Variants in CHRM3 observed in about 807,000 individuals in gnomAD.
The protein encoded by CHRM3 is cholinergic receptor muscarinic 3.
A neutral mutation model predicts 41.8 loss-of-function variants in CHRM3; 11 were observed. That is an observed-to-expected ratio of 0.26 (90% CI 0.17 to 0.44). CHRM3 has a LOEUF of 0.44. Ranked by LOEUF, CHRM3 falls within the 20% of genes least tolerant of loss-of-function variation. The pLI is 1.00. For synonymous variants in CHRM3, 297 were observed against 301.4 expected, an observed-to-expected ratio of 0.99 and a Z score of 0.15; for missense variants, 571 against 745.4, an observed-to-expected ratio of 0.77 and a Z score of 2.72.
At chr1:239,666,276 C>A (rs1211740739) in intron 4 of CHRM3, among the ~76,000 whole-genome samples, 1 of 151,772 alleles carries the variant, frequency 6.6e-6, no homozygotes, top group Middle Eastern at 3.2e-3. Flanking sequence ...CTCACTGTAA[C>A]CTCCATCTCC....
At position 239,666,042 on chromosome 1, in the gene CHRM3, G is replaced by T. The variant is rs115788201; in HGVS notation, c.-249-12144G>T. 2.1e-3 allele frequency among the ~76,000 whole-genome samples: 318 copies of T among 152,202 alleles called. 2 individuals carry two copies. Among genetic ancestry groups the T allele is most frequent in the African/African-American group, 7.3e-3 (302 of 41,520 alleles). ...CTTTGGGTATATAACCCAGCAATGG[G>T]ATTGCTGGGTCAAATGGTAAGCCTG... is the stretch of plus-strand genomic sequence containing the variant. On this transcript the variant is annotated intron_variant, in intron 4 of 6. Transcript: ENST00000676153.
chr1:239,437,521 AG>A (rs1194384398), intron 1 of CHRM3, among the ~76,000 whole-genome samples: 1 of 152,118 alleles, frequency 6.6e-6, no homozygotes, highest in African/African-American at 2.4e-5. Context: ...TGACATGGAA[AG>A]CCTTTCTTTT....
chr1:239,656,216 T>C (rs1384361970), intron 4 of CHRM3, among the ~76,000 whole-genome samples: 1 of 152,140 alleles, frequency 6.6e-6, no homozygotes, highest in Non-Finnish European at 1.5e-5. Context: ...GTTCATTATT[T>C]GGTTAACAGG....
intron 5 of CHRM3, among the ~76,000 whole-genome samples, chr1:239,768,043 C>T (rs972687436): frequency 3.3e-5 from 5 of 151,970 alleles, no homozygotes; most frequent in Non-Finnish European, 5.9e-5. Flanking sequence ...TCAATAGATA[C>T]GATTAAAACA....
At chr1:239,583,282 T>C (rs1043196149) in intron 3 of CHRM3, among the ~76,000 whole-genome samples, 1 of 152,222 alleles carries the variant, frequency 6.6e-6, no homozygotes, top group African/African-American at 2.4e-5. Flanking sequence ...TAATTACAAA[T>C]GATTCATTGA....
chr1:239,685,389 A>G (rs1659034562), intron 5 of CHRM3, among the ~76,000 whole-genome samples: 3 of 152,198 alleles, frequency 2.0e-5, no homozygotes, highest in Non-Finnish European at 4.4e-5. Flanking sequence ...GTGGCAATTC[A>G]TTGGTTTTCT....
chr1:239,738,734 C>G (rs1664599331), intron 5 of CHRM3, among the ~76,000 whole-genome samples: 1 of 152,124 alleles, frequency 6.6e-6, no homozygotes. Context: ...TTAAAATTAA[C>G]CATTTGAACA....
chr1:239,616,678 C>A (rs1667671216), intron 3 of CHRM3, among the ~76,000 whole-genome samples: 1 of 152,026 alleles, frequency 6.6e-6, no homozygotes, highest in African/African-American at 2.4e-5. Flanking sequence ...AATTATAATT[C>A]ATCACATCAA....
chr1:239,806,831 T>C (rs1268030385), intron 5 of CHRM3, among the ~76,000 whole-genome samples: 1 of 152,228 alleles, frequency 6.6e-6, no homozygotes, highest in South Asian at 2.1e-4. Flanking sequence ...AGATAGAGTA[T>C]CTGGCAATAC....
In CHRM3 at chr1:239,677,170, C is replaced by T. The variant is rs147406427; in HGVS notation, c.-249-1016C>T. Among the ~76,000 whole-genome samples, 9 of 152,278 alleles carry T rather than the reference C, an allele frequency of 5.9e-5. No individual in the cohort carries two copies. The East Asian group carries it at 1.5e-3, about 26-fold the overall frequency. ...GAACTGGCAATGATTTAGCTTTCCACATCCTGAATGGGGGTGATCTACATC... is the reference window on the plus strand; with the variant it reads ...GAACTGGCAATGATTTAGCTTTCCATATCCTGAATGGGGGTGATCTACATC... On this transcript the variant is annotated intron_variant, in intron 4 of 6. Transcript: ENST00000676153.
chr1:239,755,003 G>C (rs1345085999), intron 5 of CHRM3, among the ~76,000 whole-genome samples: 1 of 152,132 alleles, frequency 6.6e-6, no homozygotes, highest in African/African-American at 2.4e-5. Flanking sequence ...TTAGGCATTG[G>C]ATTAAGGGAC....
intron 1 of CHRM3, among the ~76,000 whole-genome samples, chr1:239,399,434 C>T (rs1306058260): frequency 6.6e-6 from 1 of 150,756 alleles, no homozygotes; most frequent in African/African-American, 2.4e-5. Context: ...TTGTGTTGTA[C>T]AATAGATCTC....
Position 239,414,064 on chromosome 1 carries a change from C to T in CHRM3, c.-521+26837C>T, listed in dbSNP as rs532602607. Among the ~76,000 whole-genome samples, 3 of 152,216 alleles carry T rather than the reference C, an allele frequency of 2.0e-5. No homozygotes were observed. The East Asian group carries it at 5.8e-4, about 29-fold the overall frequency. On this transcript the variant is annotated intron_variant, in intron 1 of 6. Transcript: ENST00000676153. ...TAGGCCCTTGTCGTTTGTAAAGCTT[C>T]CGTGGTGGTTTTATGAGCAATTTCT...
chr1:239,396,733 C>T (rs1186566095), intron 1 of CHRM3, among the ~76,000 whole-genome samples: 1 of 152,152 alleles, frequency 6.6e-6, no homozygotes, highest in Non-Finnish European at 1.5e-5. Flanking sequence ...TAACCCAATG[C>T]CCCCAAAGAC....
At chr1:239,692,055 G>T (rs181091102) in intron 5 of CHRM3, among the ~76,000 whole-genome samples, 235 of 152,268 alleles carry the variant, frequency 1.5e-3, no homozygotes, top group South Asian at 9.3e-3. Flanking sequence ...AATCTACTCC[G>T]GTTTCCTTCC....
At chr1:239,663,415 G>A (rs1050615200) in intron 4 of CHRM3, among the ~76,000 whole-genome samples, 5 of 152,144 alleles carry the variant, frequency 3.3e-5, no homozygotes, top group African/African-American at 1.2e-4. Context: ...CCCCTGGAGA[G>A]GGAAAGCTGA....
At chr1:239,750,314 G>GA (rs1034429849) in intron 5 of CHRM3, among the ~76,000 whole-genome samples, 40 of 152,204 alleles carry the variant, frequency 2.6e-4, no homozygotes, top group African/African-American at 8.4e-4. Flanking sequence ...TAATAAAATG[G>GA]AAAAAAACAT....
intron 1 of CHRM3, among the ~76,000 whole-genome samples, chr1:239,417,883 C>T (rs1371459970): frequency 6.6e-6 from 1 of 152,088 alleles, no homozygotes; most frequent in East Asian, 1.9e-4. Context: ...TCAGTTCTAA[C>T]AGATTTTTTT....
At position 239,777,621 on chromosome 1, in the gene CHRM3, T is replaced by C. The variant is rs149127870; in HGVS notation, c.-146-49631T>C. Among the ~76,000 whole-genome samples, 948 of 152,244 alleles carry C rather than the reference T, an allele frequency of 6.2e-3. 4 individuals are homozygous for C. The highest frequency in any genetic ancestry group is 0.011 in the Non-Finnish European group (765 of 68,012). ...AATTTGAGGTGGGGGGTGCAGATAATGCACAAAGGTGAAAAAGCACAGCTT... is the reference window on the plus strand; with the variant it reads ...AATTTGAGGTGGGGGGTGCAGATAACGCACAAAGGTGAAAAAGCACAGCTT... On this transcript the variant is annotated intron_variant, in intron 5 of 6. Transcript: ENST00000676153.
Sources: allele counts gnomAD v4.1 joint callset (sites outside exome capture counted in the v4.1 genomes callset), GRCh38; gene constraint gnomAD v4.1.1; transcripts MANE v1.5; gene names NCBI Gene and HGNC (gene_info 2026-07-23, HGNC 2026-07-21).